PFKFB3: variants seen among roughly 807,000 people sequenced by gnomAD.
PFKFB3 encodes 6-phosphofructo-2-kinase/fructose-2,6-bisphosphatase 3.
A neutral mutation model predicts 68.0 loss-of-function variants in PFKFB3; 33 were observed. The ratio of observed to expected loss-of-function variants is 0.49; its 90% CI spans 0.37 to 0.65. The LOEUF (loss-of-function observed/expected upper bound fraction) is 0.65, where lower values mean the gene tolerates loss of function less well. Among genes scored for constraint, PFKFB3 ranks in the 30% least tolerant of loss-of-function variants. The pLI, the probability that PFKFB3 is intolerant of heterozygous loss-of-function variation, is 0.00. For synonymous variants in PFKFB3, 315 were observed against 288.2 expected, an observed-to-expected ratio of 1.09 and a Z score of -0.94; for missense variants, 586 against 712.2, an observed-to-expected ratio of 0.82 and a Z score of 2.02.
the PFKFB3 span, among the ~76,000 whole-genome samples, chr10:6,298,525 C>G: frequency 6.6e-6 from 1 of 152,002 alleles, no homozygotes; most frequent in East Asian, 1.9e-4. Context: ...GGCACACTTC[C>G]TGGATAATTT....
upstream of PFKFB3, chr10:6,202,837 G>T: frequency 1.9e-5 from 19 of 1,001,386 alleles, no homozygotes; most frequent in Non-Finnish European, 2.3e-5. Context: ...GTGGAAGGGG[G>T]CTGGGACCCA....
the PFKFB3 span, among the ~76,000 whole-genome samples, chr10:6,267,237 A>G: frequency 2.6e-5 from 4 of 152,240 alleles, no homozygotes; most frequent in Admixed American, 2.6e-4. Flanking sequence ...TTATGAGAAC[A>G]ATGGAGATAT....
intron 1 of PFKFB3, among the ~76,000 whole-genome samples, chr10:6,168,392 G>A (rs74114526): frequency 0.031 from 4,665 of 152,294 alleles, 142 homozygotes; most frequent in African/African-American, 0.08. Context: ...GGGTTCTGAT[G>A]CCACCTCCAC....
the PFKFB3 span, among the ~76,000 whole-genome samples, chr10:6,291,886 A>G: frequency 1.3e-5 from 2 of 151,722 alleles, no homozygotes; most frequent in African/African-American, 4.8e-5. Flanking sequence ...CAGAACAATC[A>G]TCACCATCTC....
chr10:6,293,626 G>A, the PFKFB3 span: 33 of 236,610 alleles, frequency 1.4e-4, no homozygotes, highest in Admixed American at 3.6e-4. Flanking sequence ...GATTACAGGC[G>A]TGAGCCACGA....
chr10:6,289,864 T>A, the PFKFB3 span, among the ~76,000 whole-genome samples: 1 of 151,886 alleles, frequency 6.6e-6, no homozygotes, highest in Non-Finnish European at 1.5e-5. Flanking sequence ...TTTGTTTGTA[T>A]CCTCTTTTAT....
intron 1 of PFKFB3, among the ~76,000 whole-genome samples, chr10:6,192,855 A>G (rs1216402356): frequency 2.0e-5 from 3 of 152,108 alleles, no homozygotes; most frequent in African/African-American, 4.8e-5. Context: ...TGGTTGACCT[A>G]ATACTTTATA....
In PFKFB3 at chr10:6,154,225, T is replaced by TCCACCAAAA. The variant is rs1240940328; in HGVS notation, c.16+9212_16+9213insCCACCAAAA. 3.3e-5 allele frequency among the ~76,000 whole-genome samples: 5 copies of TCCACCAAAA among 150,518 alleles called. No individual in the cohort carries two copies. The highest frequency in any genetic ancestry group is 1.2e-4 in the African/African-American group (5 of 40,984). On this transcript the variant is annotated intron_variant, in intron 1 of 14. Transcript: ENST00000379789. This position sits in a 1 kb window ranked among gnomAD's most constrained non-coding sequence, Gnocchi z 4.6. ...GAGACAGGAAGGCCTGGGAGGGTTT[T>TCCACCAAAA]GGTGGAGGTGTGGGCTGAATTAATT...
At chr10:6,253,131 G>T (rs1330120711) in intron 14 of PFKFB3, among the ~76,000 whole-genome samples, 2 of 152,060 alleles carry the variant, frequency 1.3e-5, no homozygotes, top group East Asian at 3.9e-4. Flanking sequence ...TCTTGGCCAG[G>T]CTGGTCTTGA....
chr10:6,226,477 G>T lies in PFKFB3; in HGVS notation c.1515+112G>T, dbSNP rs569429946. ...CAAGAATACGTGCGTGGGTGCGTGT[G>T]GGTGCGCGTGCGTATGTTGTAGGTG... On this transcript the variant is annotated intron_variant, in intron 14 of 14. Coordinates refer to ENST00000379775, the MANE Select transcript of PFKFB3 (RefSeq NM_004566.4). 71 of 991,362 alleles carry T rather than the reference G, an allele frequency of 7.2e-5. 2 individuals are homozygous for T. In the South Asian group the frequency reaches 9.6e-4, roughly 13 times the overall value. 61.4% of individuals were successfully genotyped at this position (991,362 alleles called of 1,614,324 possible). A position where few individuals can be genotyped will look rare whatever the true frequency, so the allele number is the denominator to read the frequency against.
At chr10:6,286,413 C>T in the PFKFB3 span, among the ~76,000 whole-genome samples, 5 of 151,590 alleles carry the variant, frequency 3.3e-5, no homozygotes, top group Admixed American at 6.6e-5. Flanking sequence ...AGTCTCACTC[C>T]GTCACTCAGG....
chr10:6,224,687 G>C, intron 13 of PFKFB3: 1 of 328,370 alleles, frequency 3.0e-6, no homozygotes, highest in Non-Finnish European at 6.0e-6. Context: ...GGGTCTCACT[G>C]TGTTGCCCAG....
At chr10:6,292,473 G>T in the PFKFB3 span, among the ~76,000 whole-genome samples, 1 of 150,746 alleles carries the variant, frequency 6.6e-6, no homozygotes, top group South Asian at 2.1e-4. Context: ...TTTTAGTAGA[G>T]ACAGGGTTTC....
intron 1 of PFKFB3, among the ~76,000 whole-genome samples, chr10:6,192,175 C>CAT: frequency 6.9e-6 from 1 of 144,324 alleles, no homozygotes; most frequent in Non-Finnish European, 1.6e-5. Context: ...CACACACACA[C>CAT]ACACACACAG....
chr10:6,147,860 G>A (rs1318574250), intron 1 of PFKFB3, among the ~76,000 whole-genome samples: 1 of 152,222 alleles, frequency 6.6e-6, no homozygotes, highest in Non-Finnish European at 1.5e-5. Context: ...GGTCCATACA[G>A]GGGAGTCTGC....
chr10:6,178,905 A>G (rs117258545), intron 1 of PFKFB3, among the ~76,000 whole-genome samples: 1,659 of 152,266 alleles, frequency 0.011, 66 homozygotes, highest in East Asian at 0.1. Context: ...AAGTGTCCCC[A>G]ACCCAGTTCC....
chr10:6,179,243 G>A (rs1393058865), intron 1 of PFKFB3, among the ~76,000 whole-genome samples: 4 of 152,158 alleles, frequency 2.6e-5, no homozygotes, highest in African/African-American at 9.7e-5. Flanking sequence ...GGAAGGAAGG[G>A]GCAGCTGGAA....
intron 1 of PFKFB3, among the ~76,000 whole-genome samples, chr10:6,182,514 C>G (rs1183654523): frequency 6.6e-6 from 1 of 152,198 alleles, no homozygotes; most frequent in African/African-American, 2.4e-5. Flanking sequence ...CAGGCCGATC[C>G]CTTCGCCAGA....
the PFKFB3 span, among the ~76,000 whole-genome samples, chr10:6,272,528 A>C: frequency 6.6e-6 from 1 of 152,004 alleles, no homozygotes; most frequent in African/African-American, 2.4e-5. Context: ...CCCCGTCTCT[A>C]CTAAAAATAC....
Sources: gnomAD v4.1 joint callset for allele counts (sites outside exome capture counted in the v4.1 genomes callset) on GRCh38, gnomAD v4.1.1 for gene constraint, Gnocchi (gnomAD v3.1) non-coding constraint, MANE v1.5 for transcripts, NCBI Gene and HGNC (gene_info 2026-07-23, HGNC 2026-07-21) for gene names.